Variants in CAMK1D observed in about 807,000 individuals in gnomAD.
The protein encoded by CAMK1D is calcium/calmodulin-dependent protein kinase type 1D.
Under a neutral mutation model 47.7 loss-of-function variants are expected in CAMK1D, and 9 were observed. The observed-to-expected ratio is 0.19, with a 90% CI of 0.11 to 0.33. The LOEUF (loss-of-function observed/expected upper bound fraction) is 0.33, where lower values mean the gene tolerates loss of function less well. Among genes scored for constraint, CAMK1D ranks in the 10% least tolerant of loss-of-function variants. CAMK1D has a pLI of 1.00. For missense variants in CAMK1D, 291 were observed against 488.7 expected (o/e 0.60, Z 3.81); for synonymous variants, 184 against 184.9 (o/e 0.99, Z 0.04).
chr10:12,371,670 G>T (rs1450820860), intron 1 of CAMK1D, among the ~76,000 whole-genome samples: 1 of 151,876 alleles, frequency 6.6e-6, no homozygotes, highest in Non-Finnish European at 1.5e-5. Flanking sequence ...GGCCAAGGCG[G>T]GTGGATCATG....
At chr10:12,779,868 C>G (rs1056383452) in intron 5 of CAMK1D, among the ~76,000 whole-genome samples, 2 of 152,162 alleles carry the variant, frequency 1.3e-5, no homozygotes, top group African/African-American at 4.8e-5. Flanking sequence ...GCTGGTCCAT[C>G]GTTCTGTCTA....
At chr10:12,751,548 G>C (rs188973986) in intron 3 of CAMK1D, among the ~76,000 whole-genome samples, 2 of 152,166 alleles carry the variant, frequency 1.3e-5, no homozygotes, top group African/African-American at 4.8e-5. Context: ...TCTGGGATAG[G>C]GTGGGACAGG....
At chr10:12,630,746 G>A (rs1275645769) in intron 2 of CAMK1D, among the ~76,000 whole-genome samples, 1 of 152,044 alleles carries the variant, frequency 6.6e-6, no homozygotes, top group Non-Finnish European at 1.5e-5. Flanking sequence ...TATCTTACCA[G>A]TGGAGCTTTC....
intron 1 of CAMK1D, among the ~76,000 whole-genome samples, chr10:12,485,789 A>C (rs988922899): frequency 1.3e-5 from 2 of 152,182 alleles, no homozygotes; most frequent in Non-Finnish European, 2.9e-5. Flanking sequence ...CCAAGATGTC[A>C]TATTATTTTT....
chr10:12,705,046 G>A lies in CAMK1D; in HGVS notation c.299+38236G>A, dbSNP rs558196396. ...AGTTAAGTTAGTTGACATACACACT[G>A]CTTATTTAATGGGTTTTAGACTGTA... On this transcript the variant is annotated intron_variant, in intron 3 of 10. Transcript: ENST00000619168. Among the ~76,000 whole-genome samples the A allele has an allele frequency of 3.9e-5, 6 of 152,310 alleles. No homozygotes were observed. In the South Asian group the frequency reaches 1.2e-3, roughly 32 times the overall value.
At chr10:12,748,541 A>G (rs573297009) in intron 3 of CAMK1D, among the ~76,000 whole-genome samples, 208 of 152,300 alleles carry the variant, frequency 1.4e-3, no homozygotes, top group African/African-American at 4.8e-3. Flanking sequence ...GTGAATAAAA[A>G]CACTGGGAGC....
intron 1 of CAMK1D, among the ~76,000 whole-genome samples, chr10:12,413,053 G>A (rs916461300): frequency 6.6e-6 from 1 of 152,184 alleles, no homozygotes; most frequent in African/African-American, 2.4e-5. Flanking sequence ...TTCTTGCATT[G>A]TTCTAAAGAA....
At chr10:12,482,109 A>G (rs958222214) in intron 1 of CAMK1D, among the ~76,000 whole-genome samples, 5 of 152,224 alleles carry the variant, frequency 3.3e-5, no homozygotes, top group African/African-American at 4.8e-5. Flanking sequence ...AGAGCATCTT[A>G]TAGCTGAAGA....
intron 1 of CAMK1D, among the ~76,000 whole-genome samples, chr10:12,503,283 C>T (rs1834763333): frequency 6.6e-6 from 1 of 152,112 alleles, no homozygotes; most frequent in African/African-American, 2.4e-5. Context: ...AGCATTTGCT[C>T]CTCGCCCCGC....
At chr10:12,749,443 TAAAAAAA>T (rs60406640) in intron 3 of CAMK1D, among the ~76,000 whole-genome samples, 4 of 119,258 alleles carry the variant, frequency 3.4e-5, no homozygotes, top group East Asian at 2.6e-4. Context: ...GCTAGAAAGT[TAAAAAAA>T]AAAAAAAAAA....
chr10:12,798,437 C>T (rs1192466401), intron 6 of CAMK1D, among the ~76,000 whole-genome samples: 2 of 152,204 alleles, frequency 1.3e-5, no homozygotes, highest in Non-Finnish European at 2.9e-5. Flanking sequence ...ACAATCTAGT[C>T]TTACCAGCTG....
chr10:12,541,871 C>CTTCCTTCCTTCCTTCCTTCCTTCG (rs1564401102), intron 1 of CAMK1D, among the ~76,000 whole-genome samples: 1 of 143,554 alleles, frequency 7.0e-6, no homozygotes, highest in Non-Finnish European at 1.5e-5. Flanking sequence ...TCCTTCCTTC[C>CTTCCTTCCTTCCTTCCTTCCTTCG]TTCCTTCCTT....
At chr10:12,717,909 A>AAG (rs1020555478) in intron 3 of CAMK1D, among the ~76,000 whole-genome samples, 1 of 147,826 alleles carries the variant, frequency 6.8e-6, no homozygotes, top group African/African-American at 2.5e-5. Context: ...AAAAAAAAAG[A>AAG]AAAAAAAAAG....
intron 1 of CAMK1D, among the ~76,000 whole-genome samples, chr10:12,387,451 A>ATAAAATATATTATATATATTT (rs1838562347): frequency 8.2e-6 from 1 of 122,080 alleles, no homozygotes; most frequent in Admixed American, 9.7e-5. Context: ...TATTTTATAT[A>ATAAAATATATTATATATATTT]TATATATATA....
At chr10:12,537,260 CAG>C (rs572855164) in intron 1 of CAMK1D, among the ~76,000 whole-genome samples, 127 of 152,204 alleles carry the variant, frequency 8.3e-4, no homozygotes, top group African/African-American at 3.0e-3. Flanking sequence ...TTAGTAGAGA[CAG>C]GGTTTTGCCA....
chr10:12,539,081 A>G (rs912734499), intron 1 of CAMK1D, among the ~76,000 whole-genome samples: 2 of 152,128 alleles, frequency 1.3e-5, no homozygotes, highest in African/African-American at 4.8e-5. Flanking sequence ...TCGTATTTTT[A>G]GATTGTAACT....
At chr10:12,511,004 G>A (rs1198037740) in intron 1 of CAMK1D, among the ~76,000 whole-genome samples, 1 of 152,220 alleles carries the variant, frequency 6.6e-6, no homozygotes, top group Non-Finnish European at 1.5e-5. Flanking sequence ...AGGGTGGTTT[G>A]ACCTCCACTT....
chr10:12,693,075 A>C (rs1202314017), intron 3 of CAMK1D, among the ~76,000 whole-genome samples: 1 of 152,190 alleles, frequency 6.6e-6, no homozygotes, highest in Non-Finnish European at 1.5e-5. Context: ...TCTTAAGAGC[A>C]AAGACTAGCT....
chr10:12,815,233 T>G (rs1420274379), intron 7 of CAMK1D, among the ~76,000 whole-genome samples: 1 of 152,192 alleles, frequency 6.6e-6, no homozygotes, highest in Non-Finnish European at 1.5e-5. Context: ...AACCAAGGCC[T>G]GTGTAAATTA....
Sources: gnomAD v4.1 joint callset for allele counts (sites outside exome capture counted in the v4.1 genomes callset) on GRCh38, gnomAD v4.1.1 for gene constraint, MANE v1.5 for transcripts, NCBI Gene and HGNC (gene_info 2026-07-23, HGNC 2026-07-21) for gene names.